Variants in DCAKD observed in about 807,000 individuals in gnomAD.
DCAKD encodes dephospho-CoA kinase domain-containing protein.
In DCAKD, 15 loss-of-function variants were observed where a neutral mutation model predicts 18.7. The ratio of observed to expected loss-of-function variants is 0.80; its 90% CI spans 0.54 to 1.24. The LOEUF (loss-of-function observed/expected upper bound fraction) is 1.24. Among genes scored for constraint, DCAKD ranks in the 50% most tolerant of loss-of-function variants. DCAKD has a pLI of 0.00. For synonymous variants in DCAKD, 130 were observed against 133.0 expected (o/e 0.98, Z 0.16); for missense variants, 301 against 322.0 (o/e 0.93, Z 0.50).
intron 3 of DCAKD, chr17:45,033,764 C>G: frequency 1.3e-6 from 1 of 796,894 alleles, no homozygotes; most frequent in Non-Finnish European, 1.7e-6. Flanking sequence ...TGTGCCCAGC[C>G]TCATGTTGGA....
At chr17:45,045,357 T>A (rs2053542623) in intron 1 of DCAKD, among the ~76,000 whole-genome samples, 1 of 152,202 alleles carries the variant, frequency 6.6e-6, no homozygotes, top group Admixed American at 6.5e-5. Flanking sequence ...TGTGTTGATA[T>A]CTTGCAATCT....
intron 1 of DCAKD, among the ~76,000 whole-genome samples, chr17:45,041,892 G>C (rs2053445736): frequency 1.3e-5 from 2 of 151,980 alleles, no homozygotes; most frequent in Admixed American, 6.6e-5. Flanking sequence ...GCCAAGGTGG[G>C]AGGATCACTT....
At chr17:45,052,315 G>GA (rs1290279161), upstream of DCAKD, among the ~76,000 whole-genome samples, 2 of 152,198 alleles carry the variant, frequency 1.3e-5, no homozygotes, top group African/African-American at 4.8e-5. Flanking sequence ...AGGTGATCAT[G>GA]AGCACTTTCC....
chr17:45,026,328 C>T (rs1053415362), intron 4 of DCAKD, among the ~76,000 whole-genome samples: 1 of 148,148 alleles, frequency 6.8e-6, no homozygotes, highest in African/African-American at 2.5e-5. Flanking sequence ...CCCAGGTTCA[C>T]GCCATTCTCC....
chr17:45,040,186 G>A (rs549993409), intron 1 of DCAKD, among the ~76,000 whole-genome samples: 3 of 151,658 alleles, frequency 2.0e-5, no homozygotes, highest in Admixed American at 6.6e-5. Context: ...TCAGGAGTTC[G>A]AGACCAGCCT....
upstream of DCAKD, among the ~76,000 whole-genome samples, chr17:45,053,809 C>G (rs919277478): frequency 2.6e-5 from 4 of 152,146 alleles, no homozygotes; most frequent in Admixed American, 6.6e-5. Flanking sequence ...GTGATCCACC[C>G]ACCTCGGCCT....
exon 1 of DCAKD, chr17:45,061,086 T>C (rs2053845985): frequency 7.7e-7 from 1 of 1,298,080 alleles, no homozygotes. Context: ...TTGCGCCCCT[T>C]CTTTCCTCAA....
At chr17:45,054,835 C>T (rs1195661198), upstream of DCAKD, among the ~76,000 whole-genome samples, 1 of 152,168 alleles carries the variant, frequency 6.6e-6, no homozygotes, top group African/African-American at 2.4e-5. Context: ...GCCTGTCCCC[C>T]CAAATTATCT....
At chr17:45,044,985 G>A (rs2053533577) in intron 1 of DCAKD, among the ~76,000 whole-genome samples, 1 of 152,122 alleles carries the variant, frequency 6.6e-6, no homozygotes, top group African/African-American at 2.4e-5. Context: ...TTTATATGAA[G>A]GTTTAAGGAA....
intron 4 of DCAKD, among the ~76,000 whole-genome samples, chr17:45,028,388 G>A (rs960427420): frequency 6.7e-6 from 1 of 148,758 alleles, no homozygotes; most frequent in African/African-American, 2.5e-5. Flanking sequence ...GGGATTACAG[G>A]TATGAGCCAC....
At position 45,059,252 on chromosome 17, in the gene DCAKD, A is replaced by G. The variant is rs146085643; in HGVS notation, c.-118+1636T>C. Among the ~76,000 whole-genome samples the G allele has an allele frequency of 9.0e-4, 137 of 152,130 alleles. 1 individual carries two copies. The highest frequency in any genetic ancestry group is 3.0e-3 in the African/African-American group (126 of 41,506). On this transcript the variant is annotated intron_variant, in intron 1 of 4. Transcript: ENST00000310604. ...AAGAGAGCGAGACTCCGTCTCAGAA[A>G]AAAAAAAGAAAGAAAGAGTTGACTA... is the stretch of plus-strand genomic sequence containing the variant.
At chr17:45,047,440 G>A (rs987405006) in intron 1 of DCAKD, among the ~76,000 whole-genome samples, 1 of 150,654 alleles carries the variant, frequency 6.6e-6, no homozygotes, top group East Asian at 1.9e-4. Context: ...GCACCAACAC[G>A]CCCGGCTAAT....
At chr17:45,045,742 A>AG in intron 1 of DCAKD, among the ~76,000 whole-genome samples, 1 of 151,052 alleles carries the variant, frequency 6.6e-6, no homozygotes, top group South Asian at 2.1e-4. Context: ...AAAAAAAAAA[A>AG]AAAAAAAGAT....
At chr17:45,056,885 A>G (rs2053786573) in intron 1 of DCAKD, among the ~76,000 whole-genome samples, 1 of 152,132 alleles carries the variant, frequency 6.6e-6, no homozygotes, top group Non-Finnish European at 1.5e-5. Context: ...CTCCTGCCTC[A>G]GCCTACCAAG....
At chr17:45,038,049 G>A (rs144535065) in intron 1 of DCAKD, among the ~76,000 whole-genome samples, 4,622 of 151,800 alleles carry the variant, frequency 0.03, 115 homozygotes, top group Non-Finnish European at 0.047. Context: ...GATTACAGGC[G>A]TGAGCCACCA....
chr17:45,027,657 C>T (rs552874481), intron 4 of DCAKD, among the ~76,000 whole-genome samples: 1 of 152,240 alleles, frequency 6.6e-6, no homozygotes, highest in South Asian at 2.1e-4. Flanking sequence ...AACCCATGGC[C>T]ACCTCTGCTC....
upstream of DCAKD, chr17:45,061,112 C>A (rs1225199063): frequency 1.5e-6 from 2 of 1,343,256 alleles, no homozygotes; most frequent in South Asian, 3.5e-5. Context: ...GGCCGAATGC[C>A]TAGGCTTCCG....
At position 45,024,744 on chromosome 17, in the gene DCAKD, G is replaced by GCACT; in HGVS notation, c.405-24_405-21dup. 6 of 1,543,270 alleles carry GCACT rather than the reference G, an allele frequency of 3.9e-6. No individual in the cohort carries two copies. The highest frequency in any genetic ancestry group is 5.3e-6 in the Non-Finnish European group (6 of 1,142,124). On this transcript the variant is annotated intron_variant, in intron 4 of 4. Transcript: ENST00000651974. ...CGGTCGCTAAGGATAGGGCAAAAGG[G>GCACT]CACTGTAGGTCCTGCCTCCCTCTCA... is the stretch of plus-strand genomic sequence containing the variant.
upstream of DCAKD, among the ~76,000 whole-genome samples, chr17:45,055,968 A>G (rs1245565676): frequency 6.6e-6 from 1 of 152,174 alleles, no homozygotes; most frequent in Non-Finnish European, 1.5e-5. Flanking sequence ...AGCCTGGCCA[A>G]CATGGTGAAA....
Sources: allele counts gnomAD v4.1 joint callset (sites outside exome capture counted in the v4.1 genomes callset), GRCh38; gene constraint gnomAD v4.1.1; transcripts MANE v1.5; gene names NCBI Gene and HGNC (gene_info 2026-07-23, HGNC 2026-07-21).